The following WDR53 variants were observed in gnomAD, a reference collection of about 807,000 sequenced individuals.
The protein encoded by WDR53 is WD repeat-containing protein 53.
Under a neutral mutation model 21.3 loss-of-function variants are expected in WDR53, and 19 were observed. The observed-to-expected ratio is 0.89, with a 90% confidence interval of 0.62 to 1.31. WDR53 has a LOEUF of 1.31. Among genes scored for constraint, WDR53 ranks in the 50% most tolerant of loss-of-function variants. The pLI is 0.00. For synonymous variants in WDR53, 157 were observed against 163.4 expected, an observed-to-expected ratio of 0.96 and a Z score of 0.30; for missense variants, 374 against 423.2, an observed-to-expected ratio of 0.88 and a Z score of 1.02.
At chr3:196,565,565 G>GA (rs1735308255) in intron 2 of WDR53, among the ~76,000 whole-genome samples, 2 of 142,194 alleles carry the variant, frequency 1.4e-5, no homozygotes, top group African/African-American at 5.2e-5. Context: ...GGGTGAGGGG[G>GA]CAGGGGGGAG....
intron 2 of WDR53, among the ~76,000 whole-genome samples, chr3:196,563,506 G>C (rs1735070250): frequency 6.6e-6 from 1 of 152,100 alleles, no homozygotes; most frequent in South Asian, 2.1e-4. Context: ...ATTTAGCCCA[G>C]TGGTACAGAG....
At chr3:196,559,610 G>T (rs114910531) in intron 3 of WDR53, among the ~76,000 whole-genome samples, 1 of 152,150 alleles carries the variant, frequency 6.6e-6, no homozygotes, top group African/African-American at 2.4e-5. Context: ...CTATTAAAAA[G>T]AACATGGAAT....
At chr3:196,561,523 T>G in intron 2 of WDR53, 32 bp from the exon 3 acceptor site, 1 of 1,549,870 alleles carries the variant, frequency 6.5e-7, no homozygotes, top group South Asian at 1.2e-5. Context: ...TGTAATCTCA[T>G]GTTTTATACA....
chr3:196,554,918 T>A, intron 3 of WDR53, 111 bp from the exon 4 acceptor site: 2 of 841,280 alleles, frequency 2.4e-6, no homozygotes, highest in Non-Finnish European at 3.8e-6. Context: ...GAATGAGCAG[T>A]AGTGCACGTT....
chr3:196,563,308 G>A (rs749198824), intron 2 of WDR53, among the ~76,000 whole-genome samples: 1 of 152,140 alleles, frequency 6.6e-6, no homozygotes, highest in Non-Finnish European at 1.5e-5. Flanking sequence ...CCGGCCTGCC[G>A]TGCCCGCCTG....
At position 196,554,680 on chromosome 3, in the gene WDR53, A is replaced by G; in HGVS notation, c.608T>C (p.Ile203Thr). 1.2e-6 allele frequency: 2 copies of G among 1,614,168 alleles called. No individual in the cohort carries two copies. The highest frequency in any genetic ancestry group is 1.7e-6 in the Non-Finnish European group (2 of 1,180,028). Residue 203 changes from isoleucine to threonine, a missense_variant, in exon 4 of 4, where the codon ATC becomes ACC. Transcript: ENST00000332629. ...QLLNPALAHS[I>T]SVASCGNIFS... Reference sequence around the variant, plus strand: ...AATATTACCACACGAAGCCACAGAGATAGAATGGGCTAGGGCAGGGTTTAA... The same window carrying G: ...AATATTACCACACGAAGCCACAGAGGTAGAATGGGCTAGGGCAGGGTTTAA...
At chr3:196,566,100 T>G (rs573202579) in intron 2 of WDR53, among the ~76,000 whole-genome samples, 1 of 152,262 alleles carries the variant, frequency 6.6e-6, no homozygotes, top group East Asian at 1.9e-4. Flanking sequence ...TTCTTGTGTT[T>G]TTTTTTTGAG....
chr3:196,561,037 G>C lies in WDR53; in HGVS notation c.439C>G (p.Gln147Glu), dbSNP rs1734787664. Reference sequence around the variant, plus strand: ...CATGACACCAGGCTCTGAGGCCTCTGAGGCCGAAAAGCCACTGAGGAGCAG... The same window carrying C: ...CATGACACCAGGCTCTGAGGCCTCTCAGGCCGAAAAGCCACTGAGGAGCAG... The part of the protein sequence containing the change: ...NICSSVAFRP[Q>E]RPQSLVSCGL... Residue 147 changes from glutamine (Q) to glutamate (E), a missense_variant, in exon 3 of 4, where the codon CAG (glutamine) becomes GAG (glutamate). Transcript: ENST00000332629. 1.2e-6 allele frequency: 2 copies of C among 1,614,026 alleles called. No homozygotes were observed. Among genetic ancestry groups the C allele is most frequent in the Admixed American group, 1.7e-5 (1 of 59,998 alleles).
chr3:196,556,249 T>C (rs932829111), intron 3 of WDR53, among the ~76,000 whole-genome samples: 2 of 152,124 alleles, frequency 1.3e-5, no homozygotes, highest in South Asian at 2.1e-4. Context: ...GTTTTTGCTA[T>C]GTTGCCCAGG....
At chr3:196,568,410 C>T (rs1735648256) in intron 1 of WDR53, 109 bp downstream of exon 1, 2 of 152,878 alleles carry the variant, frequency 1.3e-5, no homozygotes, top group African/African-American at 4.8e-5. Context: ...GAAAGGGAGC[C>T]CAGGAGAGCA....
In WDR53 at chr3:196,554,257, G is replaced by C; in HGVS notation, c.1031C>G (p.Ala344Gly). The stretch of plus-strand genomic sequence containing the variant: ...TACAGATATACAACTAGTTTGATCA[G>C]CTACTAATATATTTTGGTGTCCCTT... ...KIKGHQNILV[A>G]DQTSCISVYP... Residue 344 changes from alanine (A) to glycine (G), a missense_variant, in exon 4 of 4, where the codon GCT becomes GGT. Physicochemically the swap from Ala to Gly is moderately conservative, Grantham distance 60. Transcript: ENST00000332629. 1 of 1,613,730 alleles carries C rather than the reference G, an allele frequency of 6.2e-7. No individual in the cohort carries two copies. The highest frequency in any genetic ancestry group is 8.5e-7 in the Non-Finnish European group (1 of 1,179,844).
intron 3 of WDR53, among the ~76,000 whole-genome samples, chr3:196,555,744 G>A (rs1466357897): frequency 1.3e-5 from 2 of 152,202 alleles, no homozygotes; most frequent in African/African-American, 4.8e-5. Flanking sequence ...ACAGTGAAAA[G>A]CATAGATCTG....
intron 2 of WDR53, among the ~76,000 whole-genome samples, chr3:196,562,331 G>A (rs1004827458): frequency 2.0e-5 from 3 of 152,134 alleles, no homozygotes; most frequent in Admixed American, 6.5e-5. Context: ...GGATGATCTC[G>A]GCTCACTGCA....
intron 3 of WDR53, among the ~76,000 whole-genome samples, chr3:196,556,180 G>A (rs183109721): frequency 5.9e-5 from 9 of 151,940 alleles, no homozygotes; most frequent in African/African-American, 2.2e-4. Flanking sequence ...CAAGTAGATG[G>A]GACTACAGGC....
At chr3:196,558,502 C>A (rs1367537534) in intron 3 of WDR53, among the ~76,000 whole-genome samples, 2 of 152,226 alleles carry the variant, frequency 1.3e-5, no homozygotes, top group African/African-American at 4.8e-5. Context: ...CCCTCAGGCA[C>A]ATAAGCTACC....
intron 3 of WDR53, among the ~76,000 whole-genome samples, 181 bp from the exon 4 acceptor site, chr3:196,554,988 G>A (rs190069529): frequency 3.9e-4 from 58 of 150,448 alleles, no homozygotes; most frequent in African/African-American, 1.3e-3. Flanking sequence ...ATGCTACCCC[G>A]GGACTAAAAC....
At chr3:196,555,658 T>C (rs928576124) in intron 3 of WDR53, among the ~76,000 whole-genome samples, 5 of 152,248 alleles carry the variant, frequency 3.3e-5, no homozygotes, top group South Asian at 2.1e-4. Flanking sequence ...GACAGCTTTA[T>C]CATGTAGTTT....
intron 2 of WDR53, among the ~76,000 whole-genome samples, chr3:196,563,609 T>C (rs2108703131): frequency 6.6e-6 from 1 of 151,154 alleles, no homozygotes; most frequent in East Asian, 1.9e-4. Flanking sequence ...TCTTGCTCTG[T>C]CGCCCAGGTT....
chr3:196,561,348 A>T lies in WDR53; in HGVS notation c.128T>A (p.Leu43Ter). 6.2e-7 allele frequency: 1 copy of T among 1,614,134 alleles called. No individual in the cohort carries two copies. The highest frequency in any genetic ancestry group is 8.5e-7 in the Non-Finnish European group (1 of 1,180,018). Residue 43 changes from leucine to a stop codon, truncating the protein, a stop_gained, in exon 3 of 4, where the codon TTA (leucine) becomes TAA (stop). Transcript: ENST00000332629. LOFTEE classifies it high-confidence loss of function. ...LTAWGEDGTP[L>*]GHTRFQGADD... The stretch of plus-strand genomic sequence containing the variant: ...AGCCCCTTGGAACCGCGTGTGTCCT[A>T]ATGGAGTTCCATCTTCACCCCAAGC...
Sources: allele counts gnomAD v4.1 joint callset (sites outside exome capture counted in the v4.1 genomes callset), GRCh38; gene constraint gnomAD v4.1.1; transcripts MANE v1.5; gene names NCBI Gene and HGNC (gene_info 2026-07-23, HGNC 2026-07-21).